Variants in SMARCB1 observed in about 807,000 individuals in gnomAD.
The protein encoded by SMARCB1 is SWI/SNF-related matrix-associated actin-dependent regulator of chromatin subfamily B member 1.
A neutral mutation model predicts 49.0 loss-of-function variants in SMARCB1; 5 were observed. The observed-to-expected ratio is 0.10, with a 90% CI of 0.05 to 0.21. SMARCB1 has a LOEUF of 0.21. Among genes scored for constraint, SMARCB1 ranks in the 10% least tolerant of loss-of-function variants. The pLI, the probability that SMARCB1 is intolerant of heterozygous loss-of-function variation, is 1.00. For missense variants in SMARCB1, 226 were observed against 509.2 expected (o/e 0.44, Z 5.35); for synonymous variants, 201 against 200.1 (o/e 1.00, Z -0.04).
chr22:23,802,855 C>T, intron 4 of SMARCB1: 2 of 331,438 alleles, frequency 6.0e-6, no homozygotes, highest in Non-Finnish European at 1.2e-5. Flanking sequence ...GCATCCCTGA[C>T]CACTGCTCCT....
At chr22:23,833,790 C>T (rs2030802597) in intron 8 of SMARCB1, 87 bp downstream of exon 8, 3 of 1,493,318 alleles carry the variant, frequency 2.0e-6, no homozygotes, top group Non-Finnish European at 2.8e-6. Context: ...CCCAGTCTCC[C>T]ATGGTCTCTG....
intron 7 of SMARCB1, among the ~76,000 whole-genome samples, chr22:23,827,976 C>T (rs2030470545): frequency 6.6e-6 from 1 of 152,234 alleles, no homozygotes; most frequent in Admixed American, 6.5e-5. Flanking sequence ...AGGGGCCAGT[C>T]AGCCCACAGA....
chr22:23,789,565 A>G (rs1355790801), intron 1 of SMARCB1, among the ~76,000 whole-genome samples: 1 of 152,168 alleles, frequency 6.6e-6, no homozygotes, highest in Non-Finnish European at 1.5e-5. Flanking sequence ...CTTAGACTAG[A>G]TGGTCTCCAA....
intron 1 of SMARCB1, among the ~76,000 whole-genome samples, chr22:23,789,697 A>C (rs1201500326): frequency 1.3e-5 from 2 of 152,208 alleles, no homozygotes; most frequent in Non-Finnish European, 2.9e-5. Flanking sequence ...TAAGAGACTC[A>C]GTTGGAGAGG....
rs2031238960 is a variant in SMARCB1 at position 23,837,990 on chromosome 22, A to G, written c.*3810A>G. On this transcript the variant is annotated 3_prime_UTR_variant, in exon 9 of 9. Transcript: ENST00000644036. ...TCATCAAGATGAGCCAGTCCAATAAAGGCGACACACTCCACGGGCTTCAGG... is the reference window on the plus strand; with the variant it reads ...TCATCAAGATGAGCCAGTCCAATAAGGGCGACACACTCCACGGGCTTCAGG... 1 of 1,240,464 alleles carries G rather than the reference A, an allele frequency of 8.1e-7. No individual in the cohort carries two copies. 76.8% of individuals were successfully genotyped at this position (1,240,464 alleles called of 1,614,324 possible). A position where few individuals can be genotyped will look rare whatever the true frequency, so the allele number is the denominator to read the frequency against.
chr22:23,814,308 C>G (rs1333634173), intron 5 of SMARCB1, among the ~76,000 whole-genome samples: 1 of 152,146 alleles, frequency 6.6e-6, no homozygotes, highest in Non-Finnish European at 1.5e-5. Context: ...TACAAAGATG[C>G]AAATGTGATT....
chr22:23,836,826 T>C lies in SMARCB1; in HGVS notation c.*2646T>C. On this transcript the variant is annotated 3_prime_UTR_variant, in exon 9 of 9. Coordinates refer to ENST00000644036, the MANE Select transcript of SMARCB1 (RefSeq NM_003073.5). ...CCCCAAGTAGGGGTCATGGGTAGGA[T>C]GGAAGCTGCCAGAAGCCTCTTAGGC... The C allele has an allele frequency of 4.2e-6, 6 of 1,436,022 alleles. No homozygotes were observed. Among genetic ancestry groups the C allele is most frequent in the East Asian group, 5.3e-5 (2 of 38,050 alleles). The allele number at this position is 1,436,022 out of a possible 1,614,324, so 89.0% of individuals were successfully genotyped here.
chr22:23,804,350 G>A (rs1474668953), intron 5 of SMARCB1: 1 of 152,090 alleles, frequency 6.6e-6, no homozygotes, highest in East Asian at 1.9e-4. Context: ...GAATACAGGT[G>A]TGCACCACTG....
chr22:23,813,455 A>T (rs34182726), intron 5 of SMARCB1, among the ~76,000 whole-genome samples: 30 of 152,368 alleles, frequency 2.0e-4, no homozygotes, highest in African/African-American at 7.0e-4. Flanking sequence ...GATACAAGGT[A>T]AACATGCAGA....
At chr22:23,812,244 C>T (rs1420263171) in intron 5 of SMARCB1, among the ~76,000 whole-genome samples, 1 of 152,026 alleles carries the variant, frequency 6.6e-6, no homozygotes, top group African/African-American at 2.4e-5. Context: ...TTACTTGAGG[C>T]CAGGAGTTCA....
At chr22:23,806,574 G>C (rs1027012528) in intron 5 of SMARCB1, among the ~76,000 whole-genome samples, 1 of 152,168 alleles carries the variant, frequency 6.6e-6, no homozygotes, top group Non-Finnish European at 1.5e-5. Flanking sequence ...GATTAAATAT[G>C]TGAAGTAGCA....
Position 23,816,821 on chromosome 22 carries a change from A to G in SMARCB1, c.680A>G (p.Asp227Gly). 1 of 1,614,100 alleles carries G rather than the reference A, an allele frequency of 6.2e-7. No homozygotes were observed. Among genetic ancestry groups the G allele is most frequent in the South Asian group, 1.1e-5 (1 of 91,088 alleles). Residue 227 changes from aspartate to glycine, a missense_variant, in exon 6 of 9, where the codon GAT becomes GGT. Asp to Gly is a moderately conservative substitution (Grantham distance 94). Transcript: ENST00000644036. ...TCAGAAATCCTCTGTGACGATCTGG[A>G]TTTGAACCCGCTGACGTTTGTGCCA... Reference protein sequence around the residue: ...MFSEILCDDLDLNPLTFVPAI... With the variant: ...MFSEILCDDLGLNPLTFVPAI...
intron 5 of SMARCB1, among the ~76,000 whole-genome samples, chr22:23,814,839 G>A (rs938181715): frequency 1.1e-4 from 17 of 151,844 alleles, no homozygotes; most frequent in African/African-American, 2.9e-4. Flanking sequence ...GCATGGTGGC[G>A]CATGCCTGTA....
chr22:23,820,665 C>G (rs1177965541), intron 6 of SMARCB1, among the ~76,000 whole-genome samples: 3 of 152,142 alleles, frequency 2.0e-5, no homozygotes, highest in Non-Finnish European at 2.9e-5. Flanking sequence ...GATTCAGTCT[C>G]TTTACTTGTT....
At chr22:23,816,065 GTC>G (rs973701515) in intron 5 of SMARCB1, 2 of 153,920 alleles carry the variant, frequency 1.3e-5, no homozygotes, top group African/African-American at 4.8e-5. Context: ...GAATCCTACT[GTC>G]TGCTCTGAGG....
In SMARCB1 at chr22:23,837,432, T is replaced by G; in HGVS notation, c.*3252T>G. 1 of 646,726 alleles carries G rather than the reference T, an allele frequency of 1.5e-6. No individual in the cohort carries two copies. The highest frequency in any genetic ancestry group is 2.0e-5 in the South Asian group (1 of 51,010). The allele number at this position is 646,726 out of a possible 1,614,324, so 40.1% of individuals were successfully genotyped here. A position where few individuals can be genotyped will look rare whatever the true frequency, so the allele number is the denominator to read the frequency against. On this transcript the variant is annotated 3_prime_UTR_variant, in exon 9 of 9. Transcript: ENST00000644036. ...CCTGACCCTCCCATCCTCACTCCCA[T>G]CAGGACCGTGCAAGCATCAGTAGAT...
At chr22:23,801,514 G>A (rs1296728047) in intron 4 of SMARCB1, 3 of 400,848 alleles carry the variant, frequency 7.5e-6, no homozygotes, top group African/African-American at 2.1e-5. Flanking sequence ...TCACAGTTCT[G>A]GGGCCCAGGA....
intron 7 of SMARCB1, among the ~76,000 whole-genome samples, chr22:23,828,075 T>TG (rs2030474901): frequency 6.6e-6 from 1 of 152,098 alleles, no homozygotes; most frequent in South Asian, 2.1e-4. Flanking sequence ...TGTTTTGAGA[T>TG]GGGGTCTCGC....
In SMARCB1 at chr22:23,837,082, A is replaced by G. The variant is rs1555882382; in HGVS notation, c.*2902A>G. ...CACTCACAGGAAGCCAGGGGTCTGC[A>G]GGAGCCTCTTGCCTCCAGGCTGGTT... On this transcript the variant is annotated 3_prime_UTR_variant, in exon 9 of 9. Transcript: ENST00000644036. The G allele has an allele frequency of 5.6e-6, 9 of 1,613,836 alleles. No individual in the cohort carries two copies. In the Middle Eastern group the frequency reaches 4.9e-4, roughly 88 times the overall value.
Sources: allele counts gnomAD v4.1 joint callset (sites outside exome capture counted in the v4.1 genomes callset), GRCh38; gene constraint gnomAD v4.1.1; transcripts MANE v1.5; gene names NCBI Gene and HGNC (gene_info 2026-07-23, HGNC 2026-07-21).